Variants in DAAM2 observed in about 807,000 individuals in gnomAD.
DAAM2 encodes disheveled-associated activator of morphogenesis 2.
Under a neutral mutation model 120.7 loss-of-function variants are expected in DAAM2, and 39 were observed. The observed-to-expected ratio is 0.32, with a 90% CI of 0.25 to 0.42. The LOEUF (loss-of-function observed/expected upper bound fraction) is 0.42. DAAM2 is among the 10% of genes least tolerant of loss of function. The pLI is 1.00. For missense variants in DAAM2, 1,283 were observed against 1,401.7 expected (o/e 0.92, Z 1.35); for synonymous variants, 488 against 524.9 (o/e 0.93, Z 0.96).
At chr6:39,879,558 ACAGAT>A (rs1765031339) in intron 14 of DAAM2, 81 bp downstream of exon 14, 1 of 1,562,276 alleles carries the variant, frequency 6.4e-7, no homozygotes, top group Non-Finnish European at 8.8e-7. Context: ...CCCCTTGTTT[ACAGAT>A]CTCCACTCTG....
chr6:39,856,018 A>T (rs1044962892), intron 1 of DAAM2: 33 of 984,314 alleles, frequency 3.4e-5, no homozygotes, highest in Admixed American at 6.2e-5. Flanking sequence ...GGCAGATAAC[A>T]CTCAGAGGAC....
intron 6 of DAAM2, chr6:39,868,390 T>C (rs1764515073): frequency 4.5e-6 from 1 of 222,910 alleles, no homozygotes; most frequent in South Asian, 8.3e-5. Context: ...AGTAAGTCCA[T>C]AGAGACATGA....
In DAAM2 at chr6:39,903,105, G is replaced by A. The variant is rs577107493; in HGVS notation, c.*1068G>A. The A allele has an allele frequency of 9.8e-5, 15 of 152,362 alleles. No homozygotes were observed. Among genetic ancestry groups the A allele is most frequent in the African/African-American group, 3.4e-4 (14 of 41,562 alleles). The allele number at this position is 152,362 out of a possible 1,614,324, so 9.4% of individuals were successfully genotyped here. ...AGCAGCCTCTGTCCAGCCTGCAGGT[G>A]GCCACTTGGAACCATGTGTCCACTG... On this transcript the variant is annotated 3_prime_UTR_variant, in exon 25 of 25. Coordinates refer to ENST00000274867, the MANE Select transcript of DAAM2 (RefSeq NM_001201427.2).
intron 1 of DAAM2, among the ~76,000 whole-genome samples, chr6:39,810,912 C>A (rs942396375): frequency 6.2e-4 from 95 of 152,258 alleles, no homozygotes; most frequent in African/African-American, 1.5e-3. Flanking sequence ...CTTTATTACA[C>A]CCTAAGGGAA....
chr6:39,870,356 G>A lies in DAAM2; in HGVS notation c.890G>A (p.Arg297His), dbSNP rs898550504. Residue 297 changes from arginine to histidine, a missense_variant, in exon 8 of 25, where the codon CGC becomes CAC. Arg to His is a conservative substitution (Grantham distance 29). Transcript: ENST00000274867. ...AGAGEDNLEF[R>H]LHLRYEFLML... Reference sequence around the variant, plus strand: ...GACCCCCAGGATAATCTGGAGTTCCGCCTACATCTACGGTATGAATTCCTG... The same window carrying A: ...GACCCCCAGGATAATCTGGAGTTCCACCTACATCTACGGTATGAATTCCTG... 6.3e-6 allele frequency: 10 copies of A among 1,575,200 alleles called. No individual in the cohort carries two copies. The highest frequency in any genetic ancestry group is 1.7e-4 in the Middle Eastern group (1 of 6,046).
chr6:39,884,108 T>C, intron 15 of DAAM2, 39 bp downstream of exon 15: 1 of 1,118,630 alleles, frequency 8.9e-7, no homozygotes, highest in Non-Finnish European at 1.3e-6. Flanking sequence ...GACCATACCC[T>C]TGAATCCAAA....
At chr6:39,807,012 C>T (rs1217275872) in intron 1 of DAAM2, among the ~76,000 whole-genome samples, 7 of 152,098 alleles carry the variant, frequency 4.6e-5, no homozygotes, top group Admixed American at 6.6e-5. Context: ...AGCAATTTCA[C>T]TCCTAGGTAA....
chr6:39,838,844 A>G (rs2149247837), intron 1 of DAAM2, among the ~76,000 whole-genome samples: 1 of 152,200 alleles, frequency 6.6e-6, no homozygotes. Context: ...TTTTTAGTAG[A>G]GACAGGGTTT....
At chr6:39,847,976 T>C (rs181514908) in intron 1 of DAAM2, among the ~76,000 whole-genome samples, 3 of 152,310 alleles carry the variant, frequency 2.0e-5, no homozygotes, top group Admixed American at 2.0e-4. Flanking sequence ...CTGCACCTTT[T>C]TGAGCCCTGA....
At chr6:39,831,495 G>A (rs1762886697) in intron 1 of DAAM2, among the ~76,000 whole-genome samples, 1 of 151,944 alleles carries the variant, frequency 6.6e-6, no homozygotes, top group South Asian at 2.1e-4. Flanking sequence ...TGGGGAAACT[G>A]AGGCACAGGG....
rs1765741723 is a variant in DAAM2, at chr6:39,891,834, A to G, written c.2341+112A>G. 4 of 759,900 alleles carry G rather than the reference A, an allele frequency of 5.3e-6. No individual in the cohort carries two copies. In the Admixed American group the frequency reaches 1.2e-4, roughly 23 times the overall value. 47.1% of individuals were successfully genotyped at this position (759,900 alleles called of 1,614,324 possible). A position where few individuals can be genotyped will look rare whatever the true frequency, so the allele number is the denominator to read the frequency against. ...GAAACCCCTTTCTTATTCTCAACCC[A>G]AAAACAAAAACAAAAAGTCAAAGAC... On this transcript the variant is annotated intron_variant, in intron 19 of 24. Transcript: ENST00000274867.
At chr6:39,834,620 C>T (rs1489530861) in intron 1 of DAAM2, among the ~76,000 whole-genome samples, 1 of 152,142 alleles carries the variant, frequency 6.6e-6, no homozygotes, top group Non-Finnish European at 1.5e-5. Context: ...CTGGGCACCA[C>T]CTAAAAATAG....
At chr6:39,864,903 T>G (rs1764362266) in intron 4 of DAAM2, 77 bp from the exon 5 acceptor site, 1 of 1,535,842 alleles carries the variant, frequency 6.5e-7, no homozygotes, top group Admixed American at 2.0e-5. Context: ...GAGGCAAGCA[T>G]GGCCCCTGGG....
chr6:39,858,723 C>A (rs983620622), intron 2 of DAAM2, among the ~76,000 whole-genome samples: 1 of 152,260 alleles, frequency 6.6e-6, no homozygotes, highest in South Asian at 2.1e-4. Flanking sequence ...TAGAGACGTA[C>A]TGGAGACAGT....
At chr6:39,795,044 T>C (rs1441592987) in intron 1 of DAAM2, among the ~76,000 whole-genome samples, 1 of 152,180 alleles carries the variant, frequency 6.6e-6, no homozygotes, top group Non-Finnish European at 1.5e-5. Context: ...GGAGTCCTGA[T>C]GCTTCTGGGC....
At chr6:39,861,650 CTG>C (rs1385655979) in intron 3 of DAAM2, 1 of 165,410 alleles carries the variant, frequency 6.0e-6, no homozygotes, top group Non-Finnish European at 1.3e-5. Flanking sequence ...CAGCTTGCCT[CTG>C]TCTCTACGTC....
intron 2 of DAAM2, 105 bp from the exon 3 acceptor site, chr6:39,860,823 A>G: frequency 1.1e-6 from 1 of 870,244 alleles, no homozygotes; most frequent in Non-Finnish European, 1.8e-6. Context: ...AGATAGTAGT[A>G]GCCTGAGGAA....
chr6:39,821,060 G>A (rs1337860980), intron 1 of DAAM2: 2 of 152,200 alleles, frequency 1.3e-5, no homozygotes, highest in African/African-American at 4.8e-5. Context: ...GTCACAGACT[G>A]GTGTGTGTTC....
At chr6:39,899,869 CAG>C (rs1179420473) in intron 22 of DAAM2, 6 of 492,222 alleles carry the variant, frequency 1.2e-5, no homozygotes, top group Non-Finnish European at 1.8e-5. Flanking sequence ...TGTTGGGTCT[CAG>C]TGCTCTAGAG....
Sources: allele counts gnomAD v4.1 joint callset (sites outside exome capture counted in the v4.1 genomes callset), GRCh38; gene constraint gnomAD v4.1.1; transcripts MANE v1.5; gene names NCBI Gene and HGNC (gene_info 2026-07-23, HGNC 2026-07-21).